Variants in GSAP observed in about 807,000 individuals in gnomAD.
GSAP encodes the protein gamma-secretase-activating protein.
Under a neutral mutation model 131.7 loss-of-function variants are expected in GSAP, and 118 were observed. The ratio of observed to expected loss-of-function variants is 0.90; its 90% CI spans 0.77 to 1.04. The LOEUF is 1.04. GSAP is among the 50% of genes least tolerant of loss of function. GSAP has a pLI of 0.00. For missense variants in GSAP, 1,019 were observed against 1,013.2 expected, an observed-to-expected ratio of 1.01 and a Z score of -0.08; for synonymous variants, 381 against 363.4, an observed-to-expected ratio of 1.05 and a Z score of -0.55.
intron 5 of GSAP, among the ~76,000 whole-genome samples, chr7:77,394,259 C>G (rs1037894365): frequency 2.6e-5 from 4 of 152,112 alleles, no homozygotes; most frequent in Admixed American, 1.3e-4. Context: ...CTCTTTTTTC[C>G]TTTGCCCTCA....
intron 24 of GSAP, among the ~76,000 whole-genome samples, chr7:77,322,697 G>C (rs1787834994): frequency 6.7e-6 from 1 of 149,424 alleles, no homozygotes; most frequent in African/African-American, 2.5e-5. Context: ...ACTTAAGAAA[G>C]ATTCAAATCC....
At chr7:77,334,870 G>A (rs971885669) in intron 19 of GSAP, among the ~76,000 whole-genome samples, 1 of 150,892 alleles carries the variant, frequency 6.6e-6, no homozygotes, top group East Asian at 2.0e-4. Context: ...GGATCACAAG[G>A]TCAGGAGATC....
At position 77,375,086 on chromosome 7, in the gene GSAP, C is replaced by T. The variant is rs1429696544; in HGVS notation, c.757G>A (p.Asp253Asn). The T allele has an allele frequency of 6.4e-7, 1 of 1,559,598 alleles. No homozygotes were observed. Among genetic ancestry groups the T allele is most frequent in the Non-Finnish European group, 8.8e-7 (1 of 1,137,226 alleles). The change falls in exon 11 of 31, where the codon GAC becomes AAC. Residue 253 changes from aspartate (D) to asparagine (N), a missense_variant. Asp to Asn is a conservative substitution (Grantham distance 23). Coordinates refer to ENST00000257626, the MANE Select transcript of GSAP (RefSeq NM_017439.4). ...AATCCTGAGTTGCTTAATGATATGT[C>T]CAAGGGTACTTCAAACTGTCAAAAA... is the stretch of plus-strand genomic sequence containing the variant. ...SYNLMFEVPL[D>N]ISLSNSGFKL...
In GSAP at chr7:77,321,525, A is replaced by C. The variant is rs976980182; in HGVS notation, c.1924-122T>G. ...GCTGGCATTCAGGCTGCATCCAGACACACAACTAGCCTTTCTGAGGTCAAT... is the reference window on the plus strand; with the variant it reads ...GCTGGCATTCAGGCTGCATCCAGACCCACAACTAGCCTTTCTGAGGTCAAT... On this transcript the variant is annotated intron_variant, in intron 24 of 30. Coordinates refer to ENST00000257626, the MANE Select transcript of GSAP (RefSeq NM_017439.4). 18 of 688,402 alleles carry C rather than the reference A, an allele frequency of 2.6e-5. No homozygotes were observed. The African/African-American group carries it at 3.2e-4, about 12-fold the overall frequency. 42.6% of individuals were successfully genotyped at this position (688,402 alleles called of 1,614,324 possible).
In GSAP at chr7:77,361,015, G is replaced by A. The variant is rs2036274578; in HGVS notation, c.950-114C>T. 3 of 653,208 alleles carry A rather than the reference G, an allele frequency of 4.6e-6. No homozygotes were observed. The African/African-American group carries it at 5.5e-5, about 12-fold the overall frequency. The allele number at this position is 653,208 out of a possible 1,614,324, so 40.5% of individuals were successfully genotyped here. A position where few individuals can be genotyped will look rare whatever the true frequency, so the allele number is the denominator to read the frequency against. ...CAGTGACCATGAAACTGGTAAGCAG[G>A]CATCTTCAGACTTCTAGATTTCATG... On this transcript the variant is annotated intron_variant, in intron 13 of 30. Transcript: ENST00000257626.
intron 5 of GSAP, among the ~76,000 whole-genome samples, chr7:77,388,864 G>T (rs567521363): frequency 6.6e-6 from 1 of 152,154 alleles, no homozygotes; most frequent in Non-Finnish European, 1.5e-5. Flanking sequence ...ACTTGAAAAA[G>T]ACAGTAAGTG....
intron 20 of GSAP, 118 bp downstream of exon 20, chr7:77,330,121 T>A: frequency 2.5e-6 from 3 of 1,186,660 alleles, no homozygotes; most frequent in Middle Eastern, 2.7e-4. Flanking sequence ...AATGATCAAG[T>A]CCCTGGCAAT....
At chr7:77,364,033 C>A (rs1367855014) in intron 12 of GSAP, among the ~76,000 whole-genome samples, 1 of 151,944 alleles carries the variant, frequency 6.6e-6, no homozygotes, top group Non-Finnish European at 1.5e-5. Flanking sequence ...TCACAAGGAA[C>A]ATGAAATTGC....
intron 19 of GSAP, among the ~76,000 whole-genome samples, chr7:77,348,942 G>A (rs1437601374): frequency 6.6e-6 from 1 of 152,214 alleles, no homozygotes; most frequent in Non-Finnish European, 1.5e-5. Flanking sequence ...AATTCTGTGT[G>A]TGTGTGTGTG....
intron 10 of GSAP, among the ~76,000 whole-genome samples, chr7:77,375,877 CCAT>C (rs1554413695): frequency 6.6e-6 from 1 of 151,430 alleles, no homozygotes; most frequent in Non-Finnish European, 1.5e-5. Flanking sequence ...AAAACAACCA[CCAT>C]ATTGTTCATC....
chr7:77,402,436 A>C (rs1383589739), intron 3 of GSAP, among the ~76,000 whole-genome samples: 1 of 147,332 alleles, frequency 6.8e-6, no homozygotes, highest in Non-Finnish European at 1.5e-5. Flanking sequence ...ACACACACAG[A>C]AAAAAAAGAT....
chr7:77,376,031 C>G (rs1031434491), intron 10 of GSAP, among the ~76,000 whole-genome samples: 15 of 152,020 alleles, frequency 9.9e-5, no homozygotes, highest in Admixed American at 3.3e-4. Flanking sequence ...TTCCAAATAG[C>G]TTTTTCAGGG....
In GSAP at chr7:77,377,448, A is replaced by G; in HGVS notation, c.577-58T>C. 2 of 1,469,530 alleles carry G rather than the reference A, an allele frequency of 1.4e-6. 1 individual carries two copies. The highest frequency in any genetic ancestry group is 1.8e-6 in the Non-Finnish European group (2 of 1,104,384). 91.0% of individuals were successfully genotyped at this position (1,469,530 alleles called of 1,614,324 possible). The stretch of plus-strand genomic sequence containing the variant: ...GTATGAATAACTTTTAAAGGAGAAC[A>G]TATCTGGAATTCATAATTATTTTCC... On this transcript the variant is annotated intron_variant, in intron 8 of 30. Transcript: ENST00000257626.
intron 5 of GSAP, among the ~76,000 whole-genome samples, chr7:77,388,956 A>G (rs190167734): frequency 6.6e-6 from 1 of 152,342 alleles, no homozygotes; most frequent in African/African-American, 2.4e-5. Context: ...CTTGTGGCTT[A>G]GGATGAAAAT....
At chr7:77,344,404 T>C (rs1351268947) in intron 19 of GSAP, among the ~76,000 whole-genome samples, 1 of 152,228 alleles carries the variant, frequency 6.6e-6, no homozygotes, top group Non-Finnish European at 1.5e-5. Flanking sequence ...AGGCCTGTCC[T>C]CGGGATGCTA....
intron 19 of GSAP, among the ~76,000 whole-genome samples, chr7:77,338,925 A>C (rs11771542): frequency 0.11 from 16,049 of 151,602 alleles, 954 homozygotes; most frequent in African/African-American, 0.16. Flanking sequence ...CCACACACAC[A>C]CCCCCGCCCC....
At chr7:77,405,951 T>C in intron 2 of GSAP, 78 bp downstream of exon 2, 1 of 553,006 alleles carries the variant, frequency 1.8e-6, no homozygotes, top group Non-Finnish European at 2.8e-6. Flanking sequence ...CAGTATAGAA[T>C]TCTGTAAAAA....
intron 6 of GSAP, among the ~76,000 whole-genome samples, chr7:77,383,530 C>A (rs927392943): frequency 6.6e-6 from 1 of 152,170 alleles, no homozygotes; most frequent in Non-Finnish European, 1.5e-5. Flanking sequence ...TCTGAAAGCA[C>A]AGAACGACTG....
At chr7:77,330,467 T>G in intron 19 of GSAP, 100 bp from the exon 20 acceptor site, 1 of 1,472,768 alleles carries the variant, frequency 6.8e-7, no homozygotes, top group Non-Finnish European at 9.0e-7. Context: ...GCTCTCAGGG[T>G]CCACATTTCT....
Sources: allele counts gnomAD v4.1 joint callset (sites outside exome capture counted in the v4.1 genomes callset), GRCh38; gene constraint gnomAD v4.1.1; transcripts MANE v1.5; gene names NCBI Gene and HGNC (gene_info 2026-07-23, HGNC 2026-07-21).